The following IRGM variants were observed in gnomAD, a reference collection of about 807,000 sequenced individuals.
IRGM encodes immunity-related GTPase family M protein.
For missense variants in IRGM, 288 were observed against 219.9 expected (o/e 1.31, Z -1.96); for synonymous variants, 98 against 80.6 (o/e 1.22, Z -1.16).
intron 3 of IRGM, among the ~76,000 whole-genome samples, chr5:150,884,550 G>A (rs1274621611): frequency 2.0e-5 from 3 of 152,086 alleles, no homozygotes; most frequent in African/African-American, 7.2e-5. Context: ...GTGTATAAAT[G>A]TTCTTTCTTC....
intron 1 of IRGM, among the ~76,000 whole-genome samples, chr5:150,856,112 A>G (rs1250417535): frequency 1.3e-5 from 2 of 152,176 alleles, no homozygotes; most frequent in East Asian, 3.8e-4. Context: ...TCCAAATTTT[A>G]TAAGTTAAAT....
chr5:150,851,093 T>A (rs934270069), downstream of IRGM, among the ~76,000 whole-genome samples: 1 of 152,164 alleles, frequency 6.6e-6, no homozygotes, highest in Non-Finnish European at 1.5e-5. Flanking sequence ...TAGATCAAAT[T>A]TCAGGGCAAG....
intron 3 of IRGM, chr5:150,896,474 G>A (rs773989016): frequency 4.3e-6 from 7 of 1,613,386 alleles, no homozygotes; most frequent in Non-Finnish European, 5.9e-6. Context: ...ATTGAATAAG[G>A]GATTGTGTAT....
chr5:150,889,769 C>T (rs934732905), intron 3 of IRGM, among the ~76,000 whole-genome samples: 1 of 151,916 alleles, frequency 6.6e-6, no homozygotes, highest in Non-Finnish European at 1.5e-5. Context: ...TTGTCAAATA[C>T]TTTTTTTCAT....
downstream of IRGM, among the ~76,000 whole-genome samples, chr5:150,902,234 G>A (rs1425784587): frequency 2.6e-5 from 4 of 152,138 alleles, 1 homozygote; most frequent in Admixed American, 1.3e-4. Flanking sequence ...GAACAGCCTT[G>A]AACTTGACAC....
intron 1 of IRGM, among the ~76,000 whole-genome samples, chr5:150,860,940 TATC>T (rs1754127678): frequency 6.6e-6 from 1 of 152,222 alleles, no homozygotes; most frequent in Non-Finnish European, 1.5e-5. Context: ...AATTTTGTCT[TATC>T]ATGTGCACTC....
At chr5:150,896,221 G>A (rs759303549) in intron 3 of IRGM, 1 of 1,613,538 alleles carries the variant, frequency 6.2e-7, no homozygotes, top group Non-Finnish European at 8.5e-7. Flanking sequence ...TGTATAATAA[G>A]GGACGATTTC....
intron 1 of IRGM, among the ~76,000 whole-genome samples, chr5:150,858,665 G>A (rs1213390834): frequency 6.6e-5 from 10 of 151,660 alleles, no homozygotes; most frequent in Non-Finnish European, 1.0e-4. Flanking sequence ...TGGATTCCTA[G>A]GTATTTTATT....
chr5:150,864,278 T>C (rs1189893365), intron 1 of IRGM, among the ~76,000 whole-genome samples: 2 of 152,208 alleles, frequency 1.3e-5, no homozygotes, highest in Non-Finnish European at 2.9e-5. Context: ...ATTTTTTCAC[T>C]ATTTGCTTTG....
intron 3 of IRGM, chr5:150,895,216 C>CT: frequency 2.1e-6 from 1 of 476,564 alleles, no homozygotes; most frequent in Non-Finnish European, 3.7e-6. Flanking sequence ...ACTTTAAAAG[C>CT]TTTACATGCC....
At chr5:150,898,381 G>A (rs747554655) in intron 3 of IRGM, 4 of 1,613,078 alleles carry the variant, frequency 2.5e-6, no homozygotes, top group Admixed American at 1.7e-5. Context: ...AGTAAGGAAA[G>A]GCACTTGATT....
chr5:150,870,697 T>C (rs115058790), intron 1 of IRGM, among the ~76,000 whole-genome samples: 1,886 of 152,180 alleles, frequency 0.012, 15 homozygotes, highest in Middle Eastern at 0.031. Context: ...GACCCATTCC[T>C]AGGTAGGTAA....
chr5:150,857,038 G>T (rs954517145), intron 1 of IRGM, among the ~76,000 whole-genome samples: 2 of 151,428 alleles, frequency 1.3e-5, no homozygotes, highest in African/African-American at 4.9e-5. Flanking sequence ...CCATTAACTC[G>T]TCATTTAGCA....
At position 150,859,325 on chromosome 5, in the gene IRGM, G is replaced by T. The variant is rs1308572641; in HGVS notation, c.158+10671G>T. Among the ~76,000 whole-genome samples the T allele has an allele frequency of 9.3e-4, 141 of 152,190 alleles. 1 individual carries two copies. Among genetic ancestry groups the T allele is most frequent in the African/African-American group, 3.2e-3 (134 of 41,510 alleles). On this transcript the variant is annotated intron_variant and NMD_transcript_variant, in intron 1 of 3. Coordinates refer to the IRGM transcript ENST00000520549. ...TTTTTGATGTGCTGCTGGATTCGGT[G>T]TGCCAGTATTTTATTGAGGATTTTT... is the stretch of plus-strand genomic sequence containing the variant.
At chr5:150,880,782 A>G (rs1365188115) in intron 3 of IRGM, among the ~76,000 whole-genome samples, 1 of 152,200 alleles carries the variant, frequency 6.6e-6, no homozygotes, top group Non-Finnish European at 1.5e-5. Flanking sequence ...GAAACAAAAC[A>G]ACTGTGCCTT....
At position 150,848,283 on chromosome 5, in the gene IRGM, C is replaced by G; in HGVS notation, c.160C>G (p.Arg54Gly). Residue 54 changes from arginine to glycine, a missense_variant, in exon 2 of 2, where the codon CGA becomes GGA. Coordinates refer to ENST00000522154, the MANE Select transcript of IRGM (RefSeq NM_001145805.2). ...GATGTCCACCTTCATCAGTGCCCTT[C>G]GAAACACAGGACATGAGGGTAAGGC... The part of the protein sequence containing the change: ...NGMSTFISAL[R>G]NTGHEGKASP... 6.4e-7 allele frequency: 1 copy of G among 1,551,802 alleles called. No homozygotes were observed. The highest frequency in any genetic ancestry group is 8.7e-7 in the Non-Finnish European group (1 of 1,146,988).
At chr5:150,877,797 T>A (rs550715353) in intron 1 of IRGM, among the ~76,000 whole-genome samples, 7 of 152,222 alleles carry the variant, frequency 4.6e-5, no homozygotes, top group Non-Finnish European at 1.0e-4. Context: ...ACCTCATTTT[T>A]ATTTTTTATT....
intron 1 of IRGM, among the ~76,000 whole-genome samples, chr5:150,860,467 C>T (rs183302310): frequency 1.6e-4 from 25 of 152,306 alleles, no homozygotes; most frequent in African/African-American, 6.0e-4. Flanking sequence ...TGGGGGAATC[C>T]TAAATCCTAA....
intron 3 of IRGM, among the ~76,000 whole-genome samples, chr5:150,884,022 T>C (rs1754481209): frequency 6.6e-6 from 1 of 151,962 alleles, no homozygotes; most frequent in Non-Finnish European, 1.5e-5. Context: ...TAACAGTATA[T>C]TAAATGGATC....
Sources: allele counts gnomAD v4.1 joint callset (sites outside exome capture counted in the v4.1 genomes callset), GRCh38; gene constraint gnomAD v4.1.1; transcripts MANE v1.5; gene names NCBI Gene and HGNC (gene_info 2026-07-23, HGNC 2026-07-21).